Variants in DST observed in about 807,000 individuals in gnomAD.
DST encodes dystonin.
A neutral mutation model predicts 875.2 loss-of-function variants in DST; 253 were observed. The ratio of observed to expected loss-of-function variants is 0.29; its 90% confidence interval spans 0.26 to 0.32. DST has a LOEUF of 0.32. Ranked by LOEUF, DST falls within the 10% of genes least tolerant of loss-of-function variation. DST has a pLI of 1.00. For synonymous variants in DST, 3,124 were observed against 3,197.1 expected (o/e 0.98, Z 0.77); for missense variants, 8,287 against 9,111.6 (o/e 0.91, Z 3.68).
intron 4 of DST, among the ~76,000 whole-genome samples, chr6:56,827,150 C>T: frequency 6.6e-6 from 1 of 152,164 alleles, no homozygotes; most frequent in Non-Finnish European, 1.5e-5. Flanking sequence ...AACACATTTT[C>T]TCTTAAAAAT....
intron 10 of DST, among the ~76,000 whole-genome samples, chr6:56,655,833 T>C (rs977538525): frequency 7.2e-5 from 11 of 152,244 alleles, no homozygotes; most frequent in Non-Finnish European, 1.3e-4. Flanking sequence ...TGTTCCCAAA[T>C]GCCGTCTGTT....
At chr6:56,620,643 G>A (rs778243971) in intron 36 of DST, 2 of 1,614,064 alleles carry the variant, frequency 1.2e-6, no homozygotes, top group South Asian at 1.1e-5. Context: ...CTATTCTCAA[G>A]CACTGTTGCC....
chr6:56,917,929 T>G (rs975021996), intron 2 of DST, among the ~76,000 whole-genome samples: 1 of 152,204 alleles, frequency 6.6e-6, no homozygotes, highest in Non-Finnish European at 1.5e-5. Flanking sequence ...AACCCTTTTT[T>G]GAACCCTATA....
chr6:56,615,274 T>C (rs569727957), intron 36 of DST: 2 of 1,294,478 alleles, frequency 1.5e-6, no homozygotes, highest in African/African-American at 1.5e-5. Flanking sequence ...AACATTTTAG[T>C]GTGGCCAAGT....
intron 87 of DST, among the ~76,000 whole-genome samples, chr6:56,486,306 T>TGAGCCG (rs2095561054): frequency 7.6e-6 from 1 of 130,828 alleles, no homozygotes; most frequent in Admixed American, 1.0e-4. Context: ...GAGCTCGCAG[T>TGAGCCG]GAGCCGAGAT....
Position 56,606,678 on chromosome 6 carries a change from C to T in DST, c.7950G>A (p.Glu2650=), listed in dbSNP as rs1442864659. The T allele has an allele frequency of 6.2e-7, 1 of 1,613,494 alleles. No individual in the cohort carries two copies. The highest frequency in any genetic ancestry group is 1.3e-5 in the African/African-American group (1 of 74,878). Reference sequence around the variant, plus strand: ...AAAAAACATCAGCAGGAGAAGCCGTCTCATCATTTTCCTCTTGCAGTGTGT... The same window carrying T: ...AAAAAACATCAGCAGGAGAAGCCGTTTCATCATTTTCCTCTTGCAGTGTGT... ...DYDTLQEEND[E]TASPADVFYD... Residue 2650 remains glutamate, a synonymous_variant, in exon 40 of 104, where the codon GAG becomes GAA. Coordinates refer to ENST00000680361, the MANE Select transcript of DST (RefSeq NM_001374736.1).
chr6:56,700,478 C>T (rs2099294705), intron 8 of DST, among the ~76,000 whole-genome samples: 1 of 152,160 alleles, frequency 6.6e-6, no homozygotes, highest in South Asian at 2.1e-4. Context: ...ACAATTCTAA[C>T]AATTTTCTCA....
At chr6:56,488,398 C>T (rs1233801036) in intron 86 of DST, among the ~76,000 whole-genome samples, 1 of 152,210 alleles carries the variant, frequency 6.6e-6, no homozygotes, top group African/African-American at 2.4e-5. Flanking sequence ...AGGAAGCTCT[C>T]ATTTCGCCAT....
intron 4 of DST, among the ~76,000 whole-genome samples, chr6:56,791,787 CAAAA>C (rs139051174): frequency 1.2e-4 from 9 of 78,112 alleles, no homozygotes; most frequent in Admixed American, 1.5e-4. Context: ...GACCCTGTCT[CAAAA>C]AAAAAAAAAA....
chr6:56,905,036 C>T (rs964648785), intron 2 of DST, among the ~76,000 whole-genome samples: 22 of 152,180 alleles, frequency 1.4e-4, no homozygotes, highest in African/African-American at 4.8e-4. Flanking sequence ...GATCTGCCCA[C>T]CTCGGCCTCC....
intron 5 of DST, among the ~76,000 whole-genome samples, chr6:56,732,086 G>A (rs2099501208): frequency 6.6e-6 from 1 of 152,148 alleles, no homozygotes; most frequent in South Asian, 2.1e-4. Flanking sequence ...CAGGTTTCAT[G>A]TTCCTAATTT....
intron 4 of DST, among the ~76,000 whole-genome samples, chr6:56,803,126 G>T (rs543626767): frequency 3.8e-4 from 58 of 152,288 alleles, no homozygotes; most frequent in African/African-American, 1.4e-3. Flanking sequence ...GGAAGTGGAT[G>T]TTATCCATAT....
chr6:56,868,395 A>T (rs1487505722), intron 3 of DST, among the ~76,000 whole-genome samples: 1 of 152,212 alleles, frequency 6.6e-6, no homozygotes, highest in African/African-American at 2.4e-5. Flanking sequence ...TTTTTGATAT[A>T]CAAATTCCAT....
chr6:56,525,917 G>A (rs545249523), intron 69 of DST, among the ~76,000 whole-genome samples: 3 of 152,108 alleles, frequency 2.0e-5, no homozygotes, highest in African/African-American at 7.2e-5. Context: ...CAACAAAACT[G>A]CTTCCTTTTT....
chr6:56,777,293 A>G (rs1223931424), intron 4 of DST, among the ~76,000 whole-genome samples: 1 of 152,136 alleles, frequency 6.6e-6, no homozygotes, highest in Non-Finnish European at 1.5e-5. Flanking sequence ...AATAAGTTAG[A>G]TAGAAGGATA....
intron 2 of DST, among the ~76,000 whole-genome samples, chr6:56,918,598 G>C (rs1802513495): frequency 6.6e-6 from 1 of 152,150 alleles, no homozygotes; most frequent in Admixed American, 6.5e-5. Context: ...GTAGGAAAAA[G>C]TTTGAGAGAT....
At position 56,475,394 on chromosome 6, in the gene DST, A is replaced by AACACACACACAAAC. The variant is rs1389911774; in HGVS notation, c.21864+754_21864+755insGTTTGTGTGTGTGT. 8.8e-3 allele frequency among the ~76,000 whole-genome samples: 1,270 copies of AACACACACACAAAC among 144,970 alleles called. 14 individuals carry two copies. The highest frequency in any genetic ancestry group is 0.03 in the African/African-American group (1,158 of 38,560). On this transcript the variant is annotated intron_variant, in intron 92 of 103. Coordinates refer to ENST00000680361, the MANE Select transcript of DST (RefSeq NM_001374736.1). ...CATTGATGTCTTATTAGGCTTTTAA[A>AACACACACACAAAC]ACACACACACACACACACACACACA...
rs181750098 is a variant in DST, at chr6:56,900,859, T to C, written c.217-238A>G. On this transcript the variant is annotated intron_variant, in intron 2 of 103. Transcript: ENST00000680361. The stretch of plus-strand genomic sequence containing the variant: ...ATTCTACATTAAGAAGTGTTCTTAA[T>C]TGAGTAAAGCCAGTCCAAAAAAAAA... 5.3e-3 allele frequency among the ~76,000 whole-genome samples: 779 copies of C among 148,180 alleles called. 6 individuals are homozygous for C. The highest frequency in any genetic ancestry group is 0.017 in the South Asian group (81 of 4,706).
chr6:56,637,194 A>C (rs986899052), intron 22 of DST, among the ~76,000 whole-genome samples: 1 of 152,178 alleles, frequency 6.6e-6, no homozygotes. Context: ...TAAAGTTTAA[A>C]TATAAATTCT....
Sources: allele counts gnomAD v4.1 joint callset (sites outside exome capture counted in the v4.1 genomes callset), GRCh38; gene constraint gnomAD v4.1.1; transcripts MANE v1.5; gene names NCBI Gene and HGNC (gene_info 2026-07-23, HGNC 2026-07-21).